The following RORB variants were observed in gnomAD, a reference collection of about 807,000 sequenced individuals.
RORB encodes the protein nuclear receptor ROR-beta.
In RORB, 6 loss-of-function variants were observed where a neutral mutation model predicts 59.1. The ratio of observed to expected loss-of-function variants is 0.10; its 90% CI spans 0.06 to 0.20. RORB has a LOEUF of 0.20. RORB is among the 10% of genes least tolerant of loss of function. The pLI is 1.00. For synonymous variants in RORB, 215 were observed against 204.5 expected, an observed-to-expected ratio of 1.05 and a Z score of -0.44; for missense variants, 320 against 560.5, an observed-to-expected ratio of 0.57 and a Z score of 4.33.
At chr9:74,615,727 C>A in intron 1 of RORB, 1 of 340,582 alleles carries the variant, frequency 2.9e-6, no homozygotes, top group Non-Finnish European at 6.0e-6. Flanking sequence ...AAGCTCTCAG[C>A]AAAATAAATT....
At chr9:74,533,263 G>A (rs946912119) in intron 1 of RORB, among the ~76,000 whole-genome samples, 2 of 151,954 alleles carry the variant, frequency 1.3e-5, no homozygotes, top group African/African-American at 2.4e-5. Context: ...TCCCGTCAGT[G>A]TCAAAATGTT....
rs1250862957 is a variant in RORB, at chr9:74,690,219, A to G, written c.*4601A>G. The G allele has an allele frequency of 1.3e-5, 2 of 152,212 alleles. No homozygotes were observed. The highest frequency in any genetic ancestry group is 3.9e-4 in the East Asian group (2 of 5,188). The allele number at this position is 152,212 out of a possible 1,614,324, so 9.4% of individuals were successfully genotyped here. A position where few individuals can be genotyped will look rare whatever the true frequency, so the allele number is the denominator to read the frequency against. On this transcript the variant is annotated 3_prime_UTR_variant, in exon 10 of 10. Transcript: ENST00000376896. ...AACTAGAGTAAAGGCCTGATGTGGGAAACTATGGGGGGTCTTTCAAAAAAA... is the reference window on the plus strand; with the variant it reads ...AACTAGAGTAAAGGCCTGATGTGGGGAACTATGGGGGGTCTTTCAAAAAAA...
rs34557335 is a variant in RORB, at chr9:74,576,614, G to A, written c.8-53668G>A. ...AACCTCTGGATTTCATTTTGGAAAA[G>A]TATCCATCAATCTGTATAGCTTCAT... On this transcript the variant is annotated intron_variant, in intron 1 of 9. Transcript: ENST00000376896. 6.3e-3 allele frequency among the ~76,000 whole-genome samples: 966 copies of A among 152,154 alleles called. 10 individuals are homozygous for A. The highest frequency in any genetic ancestry group is 0.01 in the Middle Eastern group (3 of 294).
chr9:74,547,294 T>G (rs1826514353), intron 1 of RORB, among the ~76,000 whole-genome samples: 1 of 152,022 alleles, frequency 6.6e-6, no homozygotes, highest in Non-Finnish European at 1.5e-5. Flanking sequence ...GGTGGTGGTT[T>G]GAACTTGGAG....
chr9:74,681,573 A>G (rs541891196), intron 9 of RORB, among the ~76,000 whole-genome samples: 93 of 152,382 alleles, frequency 6.1e-4, no homozygotes, highest in African/African-American at 2.2e-3. Flanking sequence ...TAGATGAGCA[A>G]CAGGAACTAG....
At chr9:74,664,426 AC>A (rs1241952625) in intron 6 of RORB, among the ~76,000 whole-genome samples, 5 of 152,068 alleles carry the variant, frequency 3.3e-5, no homozygotes, top group African/African-American at 7.3e-5. Context: ...AAGGTAGGGT[AC>A]TTAATATTTT....
chr9:74,675,372 TA>T (rs1266439761), intron 9 of RORB, among the ~76,000 whole-genome samples: 2 of 151,650 alleles, frequency 1.3e-5, no homozygotes, highest in Non-Finnish European at 2.9e-5. Context: ...CCCATATGAC[TA>T]GAGGAGGCAG....
chr9:74,629,312 T>G (rs957210537), intron 1 of RORB, among the ~76,000 whole-genome samples: 5 of 151,694 alleles, frequency 3.3e-5, no homozygotes, highest in Admixed American at 2.6e-4. Context: ...TTCTTTACCC[T>G]GTTCACTTCG....
At position 74,497,917 on chromosome 9, in the gene RORB, C is replaced by T. The variant is rs1189721787; in HGVS notation, c.-60C>T. The T allele has an allele frequency of 3.7e-6, 6 of 1,600,434 alleles. No individual in the cohort carries two copies. In the South Asian group the frequency reaches 4.5e-5, roughly 12 times the overall value. ...TCGTGCTGAGCGGGATTTTTGGGCT[C>T]TCCGGGGTTCGGGCTGGGAGCAGCT... On this transcript the variant is annotated 5_prime_UTR_variant, in exon 1 of 10. Coordinates refer to ENST00000376896, the MANE Select transcript of RORB (RefSeq NM_006914.4).
intron 2 of RORB, among the ~76,000 whole-genome samples, chr9:74,633,003 G>C (rs568070395): frequency 2.0e-5 from 3 of 152,228 alleles, no homozygotes; most frequent in Admixed American, 1.3e-4. Context: ...CTGTTGAATG[G>C]CTAAGCCAGT....
intron 3 of RORB, among the ~76,000 whole-genome samples, chr9:74,636,395 G>C (rs1021996822): frequency 2.6e-4 from 39 of 152,286 alleles, no homozygotes; most frequent in African/African-American, 8.9e-4. Flanking sequence ...GTCTAAGTCT[G>C]TGCTGGTGAA....
intron 1 of RORB, among the ~76,000 whole-genome samples, chr9:74,578,130 C>T (rs2118248389): frequency 6.6e-6 from 1 of 152,094 alleles, no homozygotes; most frequent in South Asian, 2.1e-4. Flanking sequence ...ACACTGCCTC[C>T]TTATTGGGCA....
chr9:74,577,580 A>G (rs560899879), intron 1 of RORB, among the ~76,000 whole-genome samples: 2 of 152,214 alleles, frequency 1.3e-5, no homozygotes, highest in East Asian at 3.9e-4. Flanking sequence ...TGGCTCCAAA[A>G]CCAAGAGCAA....
chr9:74,538,728 CA>C (rs36123845), intron 1 of RORB, among the ~76,000 whole-genome samples: 38 of 143,590 alleles, frequency 2.6e-4, no homozygotes, highest in East Asian at 4.1e-4. Context: ...GACAAAGATG[CA>C]AAAAAAAAAA....
At chr9:74,656,713 G>A (rs1206589502) in intron 4 of RORB, among the ~76,000 whole-genome samples, 1 of 152,092 alleles carries the variant, frequency 6.6e-6, no homozygotes. Context: ...TCCAGCCTGG[G>A]CAACAGAATG....
Position 74,497,371 on chromosome 9 carries a change from C to G in RORB, c.-606C>G, listed in dbSNP as rs1329445388. Reference sequence around the variant, plus strand: ...CTCTTTCTCTCTCGCTGCTCCCTTCCTCCCTGTAACTGAACAGTGAAAATT... The same window carrying G: ...CTCTTTCTCTCTCGCTGCTCCCTTCGTCCCTGTAACTGAACAGTGAAAATT... On this transcript the variant is annotated 5_prime_UTR_variant, in exon 1 of 10. Coordinates refer to ENST00000376896, the MANE Select transcript of RORB (RefSeq NM_006914.4). The G allele has an allele frequency of 1.3e-5, 2 of 152,860 alleles. No individual in the cohort carries two copies. The highest frequency in any genetic ancestry group is 4.8e-5 in the African/African-American group (2 of 41,464). The allele number at this position is 152,860 out of a possible 1,614,324, so 9.5% of individuals were successfully genotyped here.
At chr9:74,563,387 T>C (rs1822427500) in intron 1 of RORB, among the ~76,000 whole-genome samples, 1 of 152,090 alleles carries the variant, frequency 6.6e-6, no homozygotes, top group Non-Finnish European at 1.5e-5. Flanking sequence ...GGTTTCACCA[T>C]ATTGGCCAGG....
chr9:74,556,164 A>G (rs1822288083), intron 1 of RORB, among the ~76,000 whole-genome samples: 1 of 152,206 alleles, frequency 6.6e-6, no homozygotes. Context: ...ATCAATGTGA[A>G]GGCTAGTGGT....
At chr9:74,620,881 C>T (rs939090932) in intron 1 of RORB, among the ~76,000 whole-genome samples, 3 of 152,130 alleles carry the variant, frequency 2.0e-5, no homozygotes, top group African/African-American at 7.2e-5. Context: ...TAAAGTACTC[C>T]TTACTTGTCT....
Sources: gnomAD v4.1 joint callset for allele counts (sites outside exome capture counted in the v4.1 genomes callset) on GRCh38, gnomAD v4.1.1 for gene constraint, MANE v1.5 for transcripts, NCBI Gene and HGNC (gene_info 2026-07-23, HGNC 2026-07-21) for gene names.